The following SHISA9 variants were observed in gnomAD, a reference collection of about 807,000 sequenced individuals.
SHISA9 encodes protein shisa-9.
A neutral mutation model predicts 38.0 loss-of-function variants in SHISA9; 13 were observed. That is an observed-to-expected ratio of 0.34 (90% CI 0.22 to 0.54). The LOEUF is 0.54. SHISA9 is among the 20% of genes least tolerant of loss of function. SHISA9 has a pLI of 0.91. For missense variants in SHISA9, 538 were observed against 575.8 expected, an observed-to-expected ratio of 0.93 and a Z score of 0.67; for synonymous variants, 275 against 242.0, an observed-to-expected ratio of 1.14 and a Z score of -1.27.
At chr16:13,513,729 C>T in the SHISA9 span, among the ~76,000 whole-genome samples, 1 of 152,256 alleles carries the variant, frequency 6.6e-6, no homozygotes, top group African/African-American at 2.4e-5. Flanking sequence ...AGCAAACTGA[C>T]ACAGGAACAG....
chr16:12,997,091 GC>G (rs1475400043), intron 2 of SHISA9, among the ~76,000 whole-genome samples: 2 of 152,098 alleles, frequency 1.3e-5, no homozygotes, highest in Non-Finnish European at 2.9e-5. Context: ...AAGAGGAAGA[GC>G]ATTTTCATCA....
At chr16:13,511,221 T>G in the SHISA9 span, among the ~76,000 whole-genome samples, 1 of 152,218 alleles carries the variant, frequency 6.6e-6, no homozygotes, top group Non-Finnish European at 1.5e-5. Flanking sequence ...TTGGGGAAAT[T>G]AGTCACTGAG....
chr16:13,136,092 TA>T (rs1021129678), intron 2 of SHISA9, among the ~76,000 whole-genome samples: 1 of 152,140 alleles, frequency 6.6e-6, no homozygotes, highest in African/African-American at 2.4e-5. Flanking sequence ...TTGTTTAAAT[TA>T]GTAATATCTC....
chr16:12,982,726 G>A (rs1194113388), intron 2 of SHISA9, among the ~76,000 whole-genome samples: 3 of 152,186 alleles, frequency 2.0e-5, no homozygotes, highest in Non-Finnish European at 4.4e-5. Context: ...GCCACAGCAT[G>A]GTGATGGTTT....
At chr16:13,241,699 A>T (rs140096172), downstream of SHISA9, among the ~76,000 whole-genome samples, 2 of 152,162 alleles carry the variant, frequency 1.3e-5, no homozygotes, top group Non-Finnish European at 2.9e-5. Flanking sequence ...GACATTGTCA[A>T]TGTCAAGCAA....
chr16:13,118,737 T>G (rs1388808207), intron 2 of SHISA9, among the ~76,000 whole-genome samples: 1 of 149,652 alleles, frequency 6.7e-6, no homozygotes, highest in Non-Finnish European at 1.5e-5. Flanking sequence ...TTTCTTTTTT[T>G]TTTTTTTTTG....
chr16:13,166,898 G>A (rs923506376), intron 2 of SHISA9, among the ~76,000 whole-genome samples: 2 of 151,894 alleles, frequency 1.3e-5, no homozygotes, highest in African/African-American at 2.4e-5. Flanking sequence ...GTGATGGGTC[G>A]ATAGGTGCAG....
intron 2 of SHISA9, chr16:13,082,364 C>T (rs879890261): frequency 8.6e-5 from 13 of 150,802 alleles, no homozygotes; most frequent in Non-Finnish European, 1.6e-4. Flanking sequence ...CTGAGTTCCT[C>T]TCTCTTTGCC....
In SHISA9 at chr16:13,000,878, T is replaced by C. The variant is rs562440982; in HGVS notation, c.691+84063T>C. Among the ~76,000 whole-genome samples, 8 of 152,316 alleles carry C rather than the reference T, an allele frequency of 5.3e-5. No individual in the cohort carries two copies. In the South Asian group the frequency reaches 1.0e-3, roughly 20 times the overall value. On this transcript the variant is annotated intron_variant, in intron 2 of 4. Transcript: ENST00000558583. ...AGCTTTTTCCTGGACAGCTGGGAGA[T>C]GAAAATAGCCAGAGAGGGGTCAGGC... is the stretch of plus-strand genomic sequence containing the variant.
the SHISA9 span, among the ~76,000 whole-genome samples, chr16:13,538,050 C>G: frequency 6.6e-6 from 1 of 152,052 alleles, no homozygotes; most frequent in African/African-American, 2.4e-5. Flanking sequence ...TCTAAACTTT[C>G]TTTCAATTGT....
At chr16:13,255,103 C>T in the SHISA9 span, among the ~76,000 whole-genome samples, 1 of 152,128 alleles carries the variant, frequency 6.6e-6, no homozygotes, top group East Asian at 1.9e-4. Flanking sequence ...ATCACTGATG[C>T]CTGTTACGTC....
the SHISA9 span, among the ~76,000 whole-genome samples, chr16:13,291,929 G>GT: frequency 3.9e-5 from 6 of 152,074 alleles, no homozygotes; most frequent in Non-Finnish European, 5.9e-5. Flanking sequence ...AGAAAACAGT[G>GT]TTTTTTTACC....
At position 13,133,528 on chromosome 16, in the gene SHISA9, A is replaced by G. The variant is rs2050322907; in HGVS notation, c.692-69866A>G. Among the ~76,000 whole-genome samples the G allele has an allele frequency of 1.3e-5, 2 of 152,198 alleles. 1 individual carries two copies. The highest frequency in any genetic ancestry group is 6.8e-3 in the Middle Eastern group (2 of 294). Reference sequence around the variant, plus strand: ...GGCATAGGCAGGGCACCAGGGTGAGATATTTCTCTGTCCCCACATCTCAGG... The same window carrying G: ...GGCATAGGCAGGGCACCAGGGTGAGGTATTTCTCTGTCCCCACATCTCAGG... On this transcript the variant is annotated intron_variant, in intron 2 of 4. Coordinates refer to ENST00000558583, the MANE Select transcript of SHISA9 (RefSeq NM_001145204.3).
the SHISA9 span, among the ~76,000 whole-genome samples, chr16:13,354,336 C>T: frequency 1.3e-4 from 12 of 90,928 alleles, no homozygotes; most frequent in African/African-American, 2.8e-4. Context: ...ATAAATCAAG[C>T]GTGATCAGGG....
chr16:13,114,054 T>C (rs1296191593), intron 2 of SHISA9, among the ~76,000 whole-genome samples: 1 of 152,180 alleles, frequency 6.6e-6, no homozygotes, highest in Non-Finnish European at 1.5e-5. Context: ...TAGAAATAAA[T>C]GACTGTTGAT....
At chr16:12,995,349 G>C (rs1477854778) in intron 2 of SHISA9, among the ~76,000 whole-genome samples, 1 of 152,146 alleles carries the variant, frequency 6.6e-6, no homozygotes, top group Admixed American at 6.5e-5. Flanking sequence ...ATTTGGGCTG[G>C]TACTTCTTGA....
intron 2 of SHISA9, among the ~76,000 whole-genome samples, chr16:13,050,506 A>G (rs2073239051): frequency 6.6e-6 from 1 of 152,100 alleles, no homozygotes; most frequent in South Asian, 2.1e-4. Flanking sequence ...TAATTTTTGT[A>G]TTTTTAGTAG....
At chr16:13,232,438 A>T (rs1040444119) in intron 4 of SHISA9, among the ~76,000 whole-genome samples, 10 of 152,146 alleles carry the variant, frequency 6.6e-5, no homozygotes, top group Admixed American at 6.6e-5. Context: ...AAAGTATAAT[A>T]AAAAAATTAA....
chr16:13,427,855 A>G, the SHISA9 span, among the ~76,000 whole-genome samples: 1 of 152,238 alleles, frequency 6.6e-6, no homozygotes, highest in African/African-American at 2.4e-5. Flanking sequence ...CCACTCAATA[A>G]TGGGTCAAAA....
Sources: gnomAD v4.1 joint callset for allele counts (sites outside exome capture counted in the v4.1 genomes callset) on GRCh38, gnomAD v4.1.1 for gene constraint, MANE v1.5 for transcripts, NCBI Gene and HGNC (gene_info 2026-07-23, HGNC 2026-07-21) for gene names.